Variants in NEK3 observed in about 807,000 individuals in gnomAD.
The protein encoded by NEK3 is NIMA related kinase 3, also known as serine/threonine-protein kinase Nek3.
NEK3 carries 54 observed loss-of-function variants against 66.0 expected under a neutral mutation model. The observed-to-expected ratio is 0.82, with a 90% CI of 0.66 to 1.03. The LOEUF (loss-of-function observed/expected upper bound fraction) is 1.03, where lower values mean the gene tolerates loss of function less well. Among genes scored for constraint, NEK3 ranks in the 50% least tolerant of loss-of-function variants. NEK3 has a pLI of 0.00. For synonymous variants in NEK3, 200 were observed against 206.2 expected, an observed-to-expected ratio of 0.97 and a Z score of 0.26; for missense variants, 593 against 603.0, an observed-to-expected ratio of 0.98 and a Z score of 0.17.
At position 52,153,987 on chromosome 13, in the gene NEK3, C is replaced by CT; in HGVS notation, c.216dup (p.Gly73ArgfsTer11). ...TATTCCATCACAATATACAAGTGTC[C>CT]TTCAGCTAAAACAGATATAAGCTCT... On this transcript the variant is annotated frameshift_variant, in exon 4 of 16. Coordinates refer to ENST00000610828, the MANE Select transcript of NEK3 (RefSeq NM_002498.3). LOFTEE classifies it high-confidence loss of function. The CT allele has an allele frequency of 1.2e-6, 2 of 1,612,150 alleles. No individual in the cohort carries two copies. The highest frequency in any genetic ancestry group is 1.7e-6 in the Non-Finnish European group (2 of 1,178,564).
At chr13:52,145,990 C>T (rs921958075) in intron 8 of NEK3, among the ~76,000 whole-genome samples, 6 of 152,020 alleles carry the variant, frequency 3.9e-5, no homozygotes, top group East Asian at 1.9e-4. Flanking sequence ...TTGCTAGTTA[C>T]GTTTGAAAAT....
chr13:52,148,824 C>T (rs1956315628), intron 7 of NEK3, among the ~76,000 whole-genome samples: 1 of 152,158 alleles, frequency 6.6e-6, no homozygotes, highest in African/African-American at 2.4e-5. Context: ...AGCACCCAGC[C>T]TTTGATCACA....
At chr13:52,136,385 AAG>A in intron 12 of NEK3, 126 bp from the exon 13 acceptor site, 1 of 990,116 alleles carries the variant, frequency 1.0e-6, no homozygotes, top group South Asian at 2.0e-5. Flanking sequence ...CTATGTTTGA[AAG>A]ATCAATGTTC....
At chr13:52,141,866 G>T (rs372625703) in intron 10 of NEK3, among the ~76,000 whole-genome samples, 37 of 151,404 alleles carry the variant, frequency 2.4e-4, no homozygotes, top group African/African-American at 9.0e-4. Context: ...GATCACCTGA[G>T]GTCAGGAGTT....
At chr13:52,136,929 T>C in intron 11 of NEK3, 27 bp from the exon 12 acceptor site, 1 of 1,419,414 alleles carries the variant, frequency 7.0e-7, no homozygotes, top group Admixed American at 2.5e-5. Context: ...CAATACAGAT[T>C]AAATAATGCT....
Position 52,153,910 on chromosome 13 carries a change from T to C in NEK3, c.294A>G (p.Leu98=). 6.2e-7 allele frequency: 1 copy of C among 1,607,882 alleles called. No homozygotes were observed. The highest frequency in any genetic ancestry group is 1.1e-5 in the South Asian group (1 of 90,944). Residue 98 remains leucine, a synonymous_variant, in exon 4 of 16, where the codon TTA becomes TTG. Coordinates refer to ENST00000610828, the MANE Select transcript of NEK3 (RefSeq NM_002498.3). ...AATCTCTTACCATGTCTTCAGGAAATAACTTTCCTTTCTGCTGTTTAATCT... is the reference window on the plus strand; with the variant it reads ...AATCTCTTACCATGTCTTCAGGAAACAACTTTCCTTTCTGCTGTTTAATCT... ...MQKIKQQKGK[L]FPEDMILNWF...
Position 52,135,825 on chromosome 13 carries a change from T to C in NEK3, c.1213A>G (p.Lys405Glu). 1 of 1,613,654 alleles carries C rather than the reference T, an allele frequency of 6.2e-7. No homozygotes were observed. The highest frequency in any genetic ancestry group is 8.5e-7 in the Non-Finnish European group (1 of 1,179,680). The change falls in exon 14 of 16, where the codon AAG becomes GAG. Residue 405 changes from lysine to glutamate, a missense_variant. Lys to Glu is a moderately conservative substitution (Grantham distance 56). Transcript: ENST00000610828. ...TCAGGGGTCTCTTTGAGCCACTGCT[T>C]ACGAGTAGTATTTTTGCTGTACTTT... ...VIKYSKNTTRKQWLKETPDTL... is the reference protein window; with the variant it reads ...VIKYSKNTTREQWLKETPDTL...
intron 8 of NEK3, among the ~76,000 whole-genome samples, chr13:52,146,627 C>T (rs1956297918): frequency 6.6e-6 from 1 of 152,162 alleles, no homozygotes; most frequent in South Asian, 2.1e-4. Flanking sequence ...TATGGTGGTT[C>T]TCAACTTGGG....
At chr13:52,140,206 C>T (rs1431711405) in intron 11 of NEK3, among the ~76,000 whole-genome samples, 1 of 127,820 alleles carries the variant, frequency 7.8e-6, no homozygotes, top group Non-Finnish European at 1.7e-5. Flanking sequence ...CAAAGTGAGA[C>T]CCTATCTCAA....
chr13:52,155,352 C>T (rs1956386374), intron 2 of NEK3, among the ~76,000 whole-genome samples: 1 of 152,208 alleles, frequency 6.6e-6, no homozygotes, highest in Non-Finnish European at 1.5e-5. Context: ...AACCTATAAA[C>T]TGATCCACAG....
At chr13:52,152,734 C>A in intron 4 of NEK3, 42 bp from the exon 5 acceptor site, 1 of 1,294,796 alleles carries the variant, frequency 7.7e-7, no homozygotes, top group East Asian at 2.3e-5. Context: ...AATGCAGTAA[C>A]TGGCTCATGT....
At chr13:52,153,784 C>G (rs1402269735) in intron 4 of NEK3, 111 bp downstream of exon 4, 3 of 715,824 alleles carry the variant, frequency 4.2e-6, no homozygotes, top group African/African-American at 3.6e-5. Flanking sequence ...TCATTTCTAT[C>G]TACCTTCTCG....
intron 14 of NEK3, among the ~76,000 whole-genome samples, chr13:52,135,388 G>A (rs934225174): frequency 6.6e-6 from 1 of 152,126 alleles, no homozygotes; most frequent in African/African-American, 2.4e-5. Flanking sequence ...GCAAACAAAT[G>A]AGCAAACAGA....
chr13:52,149,119 T>C (rs1483018296), intron 7 of NEK3, among the ~76,000 whole-genome samples: 1 of 151,996 alleles, frequency 6.6e-6, no homozygotes, highest in Non-Finnish European at 1.5e-5. Flanking sequence ...CAGGATGGTC[T>C]CAATCTCCTG....
chr13:52,142,827 T>C (rs1046389003), intron 10 of NEK3, among the ~76,000 whole-genome samples: 4 of 152,236 alleles, frequency 2.6e-5, no homozygotes, highest in Admixed American at 2.0e-4. Context: ...ACTATCTCTG[T>C]TGGATTTCTT....
At chr13:52,149,583 T>C (rs1300086057) in intron 7 of NEK3, among the ~76,000 whole-genome samples, 1 of 152,056 alleles carries the variant, frequency 6.6e-6, no homozygotes. Context: ...TGAAAAAAGG[T>C]TGCCCGCCGG....
intron 7 of NEK3, 78 bp downstream of exon 7, chr13:52,151,068 G>C: frequency 5.4e-6 from 6 of 1,115,786 alleles, no homozygotes; most frequent in Non-Finnish European, 8.0e-6. Context: ...TTGAAGTGAC[G>C]TCAGACTCTA....
chr13:52,138,410 T>C (rs1460032357), intron 11 of NEK3, among the ~76,000 whole-genome samples: 1 of 152,198 alleles, frequency 6.6e-6, no homozygotes. Flanking sequence ...TAAAAATGGG[T>C]AAATTTTGTG....
chr13:52,133,271 C>T (rs764442036), intron 15 of NEK3, 45 bp from the exon 16 acceptor site: 21 of 1,438,914 alleles, frequency 1.5e-5, no homozygotes, highest in Non-Finnish European at 1.8e-5. Context: ...ATTAGGGGCA[C>T]AGTATCTGTT....
Sources: gnomAD v4.1 joint callset for allele counts (sites outside exome capture counted in the v4.1 genomes callset) on GRCh38, gnomAD v4.1.1 for gene constraint, MANE v1.5 for transcripts, NCBI Gene and HGNC (gene_info 2026-07-23, HGNC 2026-07-21) for gene names.